The following XKR6 variants were observed in gnomAD, a reference collection of about 807,000 sequenced individuals.
XKR6 encodes XK related 6, also known as XK-related protein 6.
Under a neutral mutation model 56.7 loss-of-function variants are expected in XKR6, and 22 were observed. That is an observed-to-expected ratio of 0.39 (90% CI 0.28 to 0.55). The LOEUF is 0.55. Among genes scored for constraint, XKR6 ranks in the 20% least tolerant of loss-of-function variants. XKR6 has a pLI of 0.66. For missense variants in XKR6, 852 were observed against 889.0 expected (o/e 0.96, Z 0.53); for synonymous variants, 524 against 387.8 (o/e 1.35, Z -4.13).
At chr8:10,899,874 A>G (rs1799986177) in intron 2 of XKR6, among the ~76,000 whole-genome samples, 1 of 152,332 alleles carries the variant, frequency 6.6e-6, no homozygotes, top group Non-Finnish European at 1.5e-5. Context: ...TGACTACTTG[A>G]TATTTGCAAG....
chr8:10,971,460 T>G (rs1372980015), intron 1 of XKR6, among the ~76,000 whole-genome samples: 1 of 152,022 alleles, frequency 6.6e-6, no homozygotes, highest in African/African-American at 2.4e-5. Context: ...TAATTTAATT[T>G]GAAATAAAAA....
intron 1 of XKR6, among the ~76,000 whole-genome samples, chr8:11,086,008 A>T (rs1173693115): frequency 6.6e-6 from 1 of 151,964 alleles, no homozygotes; most frequent in African/African-American, 2.4e-5. Context: ...AAGCTTCTTA[A>T]TCAAAGTCTC....
At chr8:11,139,517 G>C (rs1334342046) in intron 1 of XKR6, among the ~76,000 whole-genome samples, 2 of 152,138 alleles carry the variant, frequency 1.3e-5, no homozygotes, top group African/African-American at 2.4e-5. Flanking sequence ...ACTCCACAGA[G>C]ACAGGGAGTG....
intron 1 of XKR6, among the ~76,000 whole-genome samples, chr8:11,068,723 C>T (rs1361758357): frequency 6.6e-6 from 1 of 152,198 alleles, no homozygotes; most frequent in Non-Finnish European, 1.5e-5. Context: ...CAGGCTCCTA[C>T]AGGAGCTGCA....
intron 1 of XKR6, among the ~76,000 whole-genome samples, chr8:10,974,454 G>C (rs1321733210): frequency 1.3e-5 from 2 of 152,170 alleles, no homozygotes; most frequent in African/African-American, 4.8e-5. Context: ...TCCCCAGAAA[G>C]GCTACCATCT....
chr8:11,091,065 A>T (rs11991716), intron 1 of XKR6, among the ~76,000 whole-genome samples: 74,408 of 151,952 alleles, frequency 0.49, 20,671 homozygotes, highest in African/African-American at 0.73. Flanking sequence ...GAGGTAGGAA[A>T]GCATGTCTGT....
chr8:11,137,994 C>T (rs1800493609), intron 1 of XKR6: 2 of 311,468 alleles, frequency 6.4e-6, no homozygotes, highest in South Asian at 2.8e-5. Flanking sequence ...CCGTCAGCAA[C>T]CCCTTCTACC....
chr8:11,135,405 G>T (rs768792528), intron 1 of XKR6, among the ~76,000 whole-genome samples: 1 of 152,164 alleles, frequency 6.6e-6, no homozygotes, highest in Non-Finnish European at 1.5e-5. Flanking sequence ...CCCCAGGATA[G>T]ATAGAATAAA....
intron 1 of XKR6, among the ~76,000 whole-genome samples, chr8:11,156,817 C>T (rs1410171236): frequency 6.6e-6 from 1 of 152,026 alleles, no homozygotes; most frequent in African/African-American, 2.4e-5. Context: ...ACACCCCACC[C>T]ACCACAGACA....
At chr8:10,987,703 T>C (rs1044893659) in intron 1 of XKR6, among the ~76,000 whole-genome samples, 3 of 152,238 alleles carry the variant, frequency 2.0e-5, no homozygotes, top group Non-Finnish European at 4.4e-5. Flanking sequence ...CCACTTCACC[T>C]AGATTAAGAC....
Position 11,064,727 on chromosome 8 carries a change from G to C in XKR6, c.764+135849C>G, listed in dbSNP as rs1401115063. Among the ~76,000 whole-genome samples, 5 of 152,090 alleles carry C rather than the reference G, an allele frequency of 3.3e-5. No individual in the cohort carries two copies. In the East Asian group the frequency reaches 9.6e-4, roughly 29 times the overall value. ...GAATTGTAATCGTTCACAACAGAAGGCACACAAATAATAAAAATAACTTGT... is the reference window on the plus strand; with the variant it reads ...GAATTGTAATCGTTCACAACAGAAGCCACACAAATAATAAAAATAACTTGT... On this transcript the variant is annotated intron_variant, in intron 1 of 2. Coordinates refer to ENST00000416569, the MANE Select transcript of XKR6 (RefSeq NM_173683.4).
chr8:11,154,687 T>G (rs972189735), intron 1 of XKR6, among the ~76,000 whole-genome samples: 6 of 152,228 alleles, frequency 3.9e-5, no homozygotes, highest in Non-Finnish European at 7.3e-5. Flanking sequence ...AGTGTATTTT[T>G]TACAGTTTTC....
intron 1 of XKR6, among the ~76,000 whole-genome samples, chr8:11,014,747 G>C (rs1342825508): frequency 6.6e-6 from 1 of 152,116 alleles, no homozygotes; most frequent in Non-Finnish European, 1.5e-5. Context: ...AAGACCGTGA[G>C]AAAAAGCCCT....
At chr8:11,176,840 C>G (rs781321418) in intron 1 of XKR6, among the ~76,000 whole-genome samples, 5 of 152,154 alleles carry the variant, frequency 3.3e-5, no homozygotes, top group Non-Finnish European at 7.3e-5. Flanking sequence ...GGTAGCTGGA[C>G]GCTGGGCAAA....
intron 1 of XKR6, among the ~76,000 whole-genome samples, chr8:10,940,689 G>T (rs1175407625): frequency 6.6e-6 from 1 of 152,136 alleles, no homozygotes; most frequent in African/African-American, 2.4e-5. Context: ...CACTATCCCA[G>T]GAGCTGCCTT....
intron 1 of XKR6, among the ~76,000 whole-genome samples, chr8:11,110,122 G>A (rs551199002): frequency 7.9e-5 from 12 of 151,978 alleles, no homozygotes; most frequent in South Asian, 2.1e-4. Context: ...ACAGGTGCCC[G>A]CCACCACATC....
intron 2 of XKR6, among the ~76,000 whole-genome samples, chr8:10,914,946 G>T (rs1477618304): frequency 2.0e-5 from 3 of 152,174 alleles, no homozygotes; most frequent in Non-Finnish European, 1.5e-5. Context: ...TGTCCTCCAG[G>T]TGTCTGTCAG....
At chr8:11,176,223 G>A (rs1301203678) in intron 1 of XKR6, among the ~76,000 whole-genome samples, 10 of 152,198 alleles carry the variant, frequency 6.6e-5, no homozygotes, top group East Asian at 1.9e-4. Context: ...TTATCTCCTC[G>A]AATTGGCCAA....
intron 1 of XKR6, chr8:11,105,778 G>A (rs6991930): frequency 6.6e-6 from 1 of 152,136 alleles, no homozygotes; most frequent in East Asian, 1.9e-4. Context: ...CAAGCACTTG[G>A]TAATTACAGC....
Sources: allele counts gnomAD v4.1 joint callset (sites outside exome capture counted in the v4.1 genomes callset), GRCh38; gene constraint gnomAD v4.1.1; transcripts MANE v1.5; gene names NCBI Gene and HGNC (gene_info 2026-07-23, HGNC 2026-07-21).